The following RYR3 variants were observed in gnomAD, a reference collection of about 807,000 sequenced individuals.
RYR3 encodes ryanodine receptor 3, also known as brain ryanodine receptor-calcium release channel.
In RYR3, 207 loss-of-function variants were observed where a neutral mutation model predicts 584.3. That is an observed-to-expected ratio of 0.35 (90% CI 0.32 to 0.40). The LOEUF (loss-of-function observed/expected upper bound fraction) is 0.40, where lower values mean the gene tolerates loss of function less well. Ranked by LOEUF, RYR3 falls within the 10% of genes least tolerant of loss-of-function variation. The pLI is 1.00. For missense variants in RYR3, 5,616 were observed against 6,089.2 expected (o/e 0.92, Z 2.59); for synonymous variants, 2,416 against 2,248.5 (o/e 1.07, Z -2.11).
chr15:33,849,672 G>A (rs2078962392), intron 94 of RYR3: 2 of 152,200 alleles, frequency 1.3e-5, no homozygotes, highest in Non-Finnish European at 2.9e-5. Flanking sequence ...TGACTGTGTT[G>A]AAACTCTTAG....
At chr15:33,724,277 A>G in intron 45 of RYR3, 101 bp downstream of exon 45, 2 of 677,062 alleles carry the variant, frequency 3.0e-6, no homozygotes, top group Non-Finnish European at 5.0e-6. Context: ...GGCATTTGCT[A>G]ACATGCCTTT....
chr15:33,855,065 T>G (rs530364995), intron 98 of RYR3, 153 bp downstream of exon 98: 2 of 703,058 alleles, frequency 2.8e-6, no homozygotes, highest in African/African-American at 3.7e-5. Flanking sequence ...GTGATTGTTT[T>G]TGCAAAATTG....
chr15:33,682,336 A>G (rs1596132354), intron 38 of RYR3, among the ~76,000 whole-genome samples: 1 of 152,332 alleles, frequency 6.6e-6, no homozygotes, highest in Middle Eastern at 3.4e-3. Context: ...GACTAGTCCA[A>G]AAATTAGGTA....
In RYR3 at chr15:33,701,072, C is replaced by T; in HGVS notation, c.6475C>T (p.Leu2159Phe). The change falls in exon 42 of 104, where the codon CTC becomes TTC. Residue 2159 changes from leucine (L) to phenylalanine (F), a missense_variant. Around this residue, in one of 9 missense-constraint regions of RYR3, gnomAD observed 1,280 missense variants for 1,426.2 expected, o/e 0.90. Coordinates refer to ENST00000634891, the MANE Select transcript of RYR3 (RefSeq NM_001036.6). ...AGCGCTGAGCTTAGAGGAACCAGACCTCGAGAAGGTAACCGGCCCTTGGGG... is the reference window on the plus strand; with the variant it reads ...AGCGCTGAGCTTAGAGGAACCAGACTTCGAGAAGGTAACCGGCCCTTGGGG... The part of the protein sequence containing the change: ...ELALSLEEPD[L>F]EKVVTYLAGC... 6.2e-7 allele frequency: 1 copy of T among 1,611,076 alleles called. No homozygotes were observed. The highest frequency in any genetic ancestry group is 8.5e-7 in the Non-Finnish European group (1 of 1,178,208).
In RYR3 at chr15:33,608,064, T is replaced by C. The variant is rs943736989; in HGVS notation, c.2164+4700T>C. 4.6e-5 allele frequency among the ~76,000 whole-genome samples: 7 copies of C among 152,318 alleles called. No homozygotes were observed. The East Asian group carries it at 1.4e-3, about 29-fold the overall frequency. ...CCCTTGACCACTACGATAAACTGCC[T>C]CTTAAGTGGTACACAGGACATCATT... On this transcript the variant is annotated intron_variant, in intron 18 of 103. Coordinates refer to ENST00000634891, the MANE Select transcript of RYR3 (RefSeq NM_001036.6).
At chr15:33,404,045 G>A (rs1349901641) in intron 1 of RYR3, among the ~76,000 whole-genome samples, 3 of 152,178 alleles carry the variant, frequency 2.0e-5, no homozygotes, top group South Asian at 2.1e-4. Context: ...CAAGCCACAT[G>A]TTACTGTTCT....
chr15:33,377,313 G>A (rs1188043694), intron 1 of RYR3, among the ~76,000 whole-genome samples: 1 of 152,142 alleles, frequency 6.6e-6, no homozygotes, highest in African/African-American at 2.4e-5. Context: ...AGACACCCTG[G>A]CTGCTTCCAT....
intron 40 of RYR3, among the ~76,000 whole-genome samples, chr15:33,699,295 TTCTC>T (rs2066109827): frequency 1.7e-5 from 2 of 119,490 alleles, no homozygotes; most frequent in South Asian, 3.3e-4. Context: ...TCTCTCCTCT[TTCTC>T]TCCTCACTCT....
intron 33 of RYR3, 66 bp downstream of exon 33, chr15:33,659,872 A>T (rs1401396210): frequency 4.5e-6 from 5 of 1,115,434 alleles, no homozygotes; most frequent in Non-Finnish European, 5.4e-6. Flanking sequence ...TTAGGGGGAA[A>T]ATCCCAGGCC....
chr15:33,626,798 C>T (rs2061012799), intron 20 of RYR3, among the ~76,000 whole-genome samples: 1 of 152,250 alleles, frequency 6.6e-6, no homozygotes, highest in South Asian at 2.1e-4. Context: ...GTAGCTTCCA[C>T]GTGGTGTTGA....
chr15:33,490,039 G>C (rs1465181615), intron 2 of RYR3, among the ~76,000 whole-genome samples: 1 of 152,104 alleles, frequency 6.6e-6, no homozygotes, highest in Non-Finnish European at 1.5e-5. Flanking sequence ...TTAACTTCCT[G>C]ATAATAGAGC....
At chr15:33,765,632 C>CAAAAAAAAAAAAAAAAAAA (rs761552773) in intron 60 of RYR3, among the ~76,000 whole-genome samples, 1 of 60,952 alleles carries the variant, frequency 1.6e-5, no homozygotes, top group Non-Finnish European at 3.3e-5. Context: ...GACTCCGTCT[C>CAAAAAAAAAAAAAAAAAAA]AAAAAAAAAA....
chr15:33,639,371 G>T (rs2061672020), intron 27 of RYR3, among the ~76,000 whole-genome samples: 1 of 152,172 alleles, frequency 6.6e-6, no homozygotes, highest in Non-Finnish European at 1.5e-5. Context: ...TTGTGAGTTG[G>T]TGGAAGGGTA....
In RYR3 at chr15:33,853,639, C is replaced by T. The variant is rs2079337195; in HGVS notation, c.13756C>T (p.Pro4586Ser). ...GGACAAAAATGCTCTTGACTTTAGCCCAGTAGAAGAGACCAAAGCAGAAGC... is the reference window on the plus strand; with the variant it reads ...GGACAAAAATGCTCTTGACTTTAGCTCAGTAGAAGAGACCAAAGCAGAAGC... Reference protein sequence around the residue: ...GLDKNALDFSPVEETKAEAAS... With the variant: ...GLDKNALDFSSVEETKAEAAS... Residue 4586 changes from proline to serine, a missense_variant, in exon 96 of 104, where the codon CCA becomes TCA. Pro to Ser is a moderately conservative substitution (Grantham distance 74). Transcript: ENST00000634891. 6.2e-7 allele frequency: 1 copy of T among 1,613,886 alleles called. No individual in the cohort carries two copies. The highest frequency in any genetic ancestry group is 8.5e-7 in the Non-Finnish European group (1 of 1,179,848).
At chr15:33,827,075 C>A in intron 84 of RYR3, 124 bp from the exon 85 acceptor site, 2 of 845,104 alleles carry the variant, frequency 2.4e-6, no homozygotes, top group Non-Finnish European at 1.9e-6. Context: ...TCTGCCATGA[C>A]CCAAACATGG....
At chr15:33,780,436 C>A in intron 65 of RYR3, 95 bp downstream of exon 65, 2 of 1,336,112 alleles carry the variant, frequency 1.5e-6, no homozygotes, top group Non-Finnish European at 2.1e-6. Flanking sequence ...AGCACTGTGG[C>A]TTTCTTGGTC....
Position 33,475,160 on chromosome 15 carries a change from C to T in RYR3, c.171+1622C>T, listed in dbSNP as rs552368157. ...CTCAACCATGAGCTACTCATGTGAC[C>T]GTGGGACAAGTCAGTCACTCATGTT... is the stretch of plus-strand genomic sequence containing the variant. On this transcript the variant is annotated intron_variant, in intron 2 of 103. Coordinates refer to ENST00000634891, the MANE Select transcript of RYR3 (RefSeq NM_001036.6). 7.2e-5 allele frequency among the ~76,000 whole-genome samples: 11 copies of T among 152,168 alleles called. No homozygotes were observed. The East Asian group carries it at 9.7e-4, about 13-fold the overall frequency.
chr15:33,638,666 T>C (rs2061631435), intron 27 of RYR3, among the ~76,000 whole-genome samples: 1 of 152,088 alleles, frequency 6.6e-6, no homozygotes, highest in Admixed American at 6.5e-5. Flanking sequence ...ATGAGAGCAG[T>C]GGTCTAAAGC....
At chr15:33,603,856 G>T (rs4780132) in intron 18 of RYR3, among the ~76,000 whole-genome samples, 1 of 152,022 alleles carries the variant, frequency 6.6e-6, no homozygotes, top group East Asian at 1.9e-4. Flanking sequence ...AACACAGCCT[G>T]TTGCTTCATA....
Sources: gnomAD v4.1 joint callset for allele counts (sites outside exome capture counted in the v4.1 genomes callset) on GRCh38, gnomAD v4.1.1 for gene constraint, gnomAD v4.1.1 regional missense constraint, MANE v1.5 for transcripts, NCBI Gene and HGNC (gene_info 2026-07-23, HGNC 2026-07-21) for gene names.